The following PCDHGA3 variants were observed in gnomAD, a reference collection of about 807,000 sequenced individuals.
PCDHGA3 encodes the protein protocadherin gamma-A3.
Under a neutral mutation model 58.5 loss-of-function variants are expected in PCDHGA3, and 40 were observed. The ratio of observed to expected loss-of-function variants is 0.68; its 90% CI spans 0.53 to 0.89. The LOEUF is 0.89. PCDHGA3 is among the 40% of genes least tolerant of loss of function. The pLI is 0.00. For synonymous variants in PCDHGA3, 530 were observed against 525.7 expected, an observed-to-expected ratio of 1.01 and a Z score of -0.11; for missense variants, 1,223 against 1,195.9, an observed-to-expected ratio of 1.02 and a Z score of -0.33.
intron 1 of PCDHGA3, chr5:141,399,585 T>C (rs1452769752): frequency 6.2e-7 from 1 of 1,613,984 alleles, no homozygotes; most frequent in South Asian, 1.1e-5. Context: ...TCTCCTACTC[T>C]ATCATGGCCA....
intron 1 of PCDHGA3, chr5:141,361,605 C>T (rs1291967828): frequency 4.3e-6 from 7 of 1,613,908 alleles, no homozygotes; most frequent in South Asian, 1.1e-5. Flanking sequence ...TTTCCTACTC[C>T]ATCGTAGCGA....
At chr5:141,406,198 C>T (rs1363174713) in intron 1 of PCDHGA3, among the ~76,000 whole-genome samples, 1 of 151,806 alleles carries the variant, frequency 6.6e-6, no homozygotes, top group African/African-American at 2.4e-5. Context: ...TCAGCCTTCA[C>T]AGTAGCTAGG....
intron 1 of PCDHGA3, among the ~76,000 whole-genome samples, chr5:141,446,758 C>A (rs776925316): frequency 6.6e-6 from 1 of 152,326 alleles, no homozygotes; most frequent in Non-Finnish European, 1.5e-5. Flanking sequence ...TGAGCCACCG[C>A]GCCCAGCCGG....
chr5:141,428,111 C>G (rs760446304), intron 1 of PCDHGA3: 2 of 1,607,622 alleles, frequency 1.2e-6, no homozygotes, highest in Non-Finnish European at 1.7e-6. Context: ...TGCTGCAGGC[C>G]ATCGAGCCCG....
At chr5:141,375,947 C>A in intron 1 of PCDHGA3, 2 of 1,613,578 alleles carry the variant, frequency 1.2e-6, no homozygotes, top group Non-Finnish European at 8.5e-7. Context: ...AGTGGGCCTG[C>A]ACACGGGCGA....
chr5:141,377,563 C>G (rs987370681), intron 1 of PCDHGA3: 4 of 151,534 alleles, frequency 2.6e-5, no homozygotes, highest in African/African-American at 9.7e-5. Context: ...GTCACTGCAC[C>G]CTAGCCTGGG....
intron 1 of PCDHGA3, among the ~76,000 whole-genome samples, chr5:141,437,360 G>T (rs1432098876): frequency 6.6e-6 from 1 of 152,144 alleles, no homozygotes; most frequent in Non-Finnish European, 1.5e-5. Context: ...ACCTAAAATT[G>T]GAATGTAATC....
At chr5:141,374,364 A>C in intron 1 of PCDHGA3, 2 of 1,614,024 alleles carry the variant, frequency 1.2e-6, no homozygotes, top group Non-Finnish European at 1.7e-6. Context: ...GACCGCGAGG[A>C]GCTCTGTGCT....
At chr5:141,393,592 G>A (rs200863279) in intron 1 of PCDHGA3, 127 of 1,613,790 alleles carry the variant, frequency 7.9e-5, no homozygotes, top group Non-Finnish European at 1.0e-4. Context: ...CCAGGCACGC[G>A]GCTGCTTACT....
intron 3 of PCDHGA3, among the ~76,000 whole-genome samples, chr5:141,510,203 G>A (rs1164886289): frequency 6.6e-6 from 1 of 151,680 alleles, no homozygotes; most frequent in Non-Finnish European, 1.5e-5. Flanking sequence ...AGCCCAGGAG[G>A]CAGAGGTTGC....
At chr5:141,392,654 A>G (rs2092571814) in intron 1 of PCDHGA3, 1 of 734,690 alleles carries the variant, frequency 1.4e-6, no homozygotes, top group Admixed American at 3.4e-5. Flanking sequence ...AGACCCGCAG[A>G]TGCCACAAAC....
chr5:141,346,447 A>T lies in PCDHGA3; in HGVS notation c.2414A>T (p.Asn805Ile). 6.2e-7 allele frequency: 1 copy of T among 1,614,268 alleles called. No homozygotes were observed. Among genetic ancestry groups the T allele is most frequent in the East Asian group, 2.2e-5 (1 of 44,892 alleles). ...TTACTTGAAATGAAAGGAGATTCCA[A>T]CCTACTTCAGGTGAGTTTATTTATT... ...QDLLEMKGDS[N>I]LLQQAPPNTD... Residue 805 changes from asparagine to isoleucine, a missense_variant, in exon 1 of 4, where the codon AAC becomes ATC. Around this residue, in one of 3 missense-constraint regions of PCDHGA3, gnomAD observed 325 missense variants for 327.5 expected, o/e 0.99. Coordinates refer to ENST00000253812, the MANE Select transcript of PCDHGA3 (RefSeq NM_018916.4).
At chr5:141,369,198 T>C (rs1466766598) in intron 1 of PCDHGA3, among the ~76,000 whole-genome samples, 1 of 152,172 alleles carries the variant, frequency 6.6e-6, no homozygotes, top group Non-Finnish European at 1.5e-5. Flanking sequence ...TATCAGATGG[T>C]AAACTGGGGA....
chr5:141,482,383 G>A (rs1594230401), intron 1 of PCDHGA3, among the ~76,000 whole-genome samples: 2 of 152,240 alleles, frequency 1.3e-5, no homozygotes, highest in East Asian at 3.9e-4. Context: ...TAAAGTCCCT[G>A]TATGGAGCAA....
At chr5:141,384,650 C>G (rs1213467381) in intron 1 of PCDHGA3, 4 of 1,614,222 alleles carry the variant, frequency 2.5e-6, no homozygotes, top group Non-Finnish European at 3.4e-6. Context: ...TCCGCAGAGC[C>G]CGGCTACCTG....
At chr5:141,399,936 C>T (rs1370105984) in intron 1 of PCDHGA3, 2 of 1,612,268 alleles carry the variant, frequency 1.2e-6, no homozygotes, top group Non-Finnish European at 8.5e-7. Flanking sequence ...TGTCCTACCA[C>T]GTGCTGCAGG....
intron 1 of PCDHGA3, among the ~76,000 whole-genome samples, chr5:141,368,063 A>G (rs1765467925): frequency 6.6e-6 from 1 of 152,184 alleles, no homozygotes; most frequent in Non-Finnish European, 1.5e-5. Flanking sequence ...GAACTACTAT[A>G]TTTCCCTTCT....
chr5:141,403,049 T>C (rs368917303), intron 1 of PCDHGA3: 2 of 1,613,938 alleles, frequency 1.2e-6, no homozygotes, highest in Non-Finnish European at 1.7e-6. Flanking sequence ...TCAGATTCGC[T>C]ACTCAGTGCC....
At chr5:141,389,117 G>A in intron 1 of PCDHGA3, 1 of 1,614,024 alleles carries the variant, frequency 6.2e-7, no homozygotes, top group Admixed American at 1.7e-5. Flanking sequence ...TAGACCGCGA[G>A]CAGAATCCAG....
Sources: gnomAD v4.1 joint callset for allele counts (sites outside exome capture counted in the v4.1 genomes callset) on GRCh38, gnomAD v4.1.1 for gene constraint, gnomAD v4.1.1 regional missense constraint, MANE v1.5 for transcripts, NCBI Gene and HGNC (gene_info 2026-07-23, HGNC 2026-07-21) for gene names.